GLI2: variants seen among roughly 807,000 people sequenced by gnomAD.
GLI2 encodes the protein transcription activator GLI2.
Under a neutral mutation model 78.9 loss-of-function variants are expected in GLI2, and 22 were observed. The ratio of observed to expected loss-of-function variants is 0.28; its 90% CI spans 0.20 to 0.40. The LOEUF (loss-of-function observed/expected upper bound fraction) is 0.40, where lower values mean the gene tolerates loss of function less well. Among genes scored for constraint, GLI2 ranks in the 10% least tolerant of loss-of-function variants. The probability of loss-of-function intolerance (pLI) is 1.00; values close to 1 mark genes in which losing one functional copy is unlikely to be tolerated. For missense variants in GLI2, 2,097 were observed against 2,213.2 expected (o/e 0.95, Z 1.05); for synonymous variants, 974 against 963.7 (o/e 1.01, Z -0.20).
intron 2 of GLI2, among the ~76,000 whole-genome samples, chr2:120,887,330 T>A (rs1677460743): frequency 6.6e-6 from 1 of 152,252 alleles, no homozygotes; most frequent in South Asian, 2.1e-4. Flanking sequence ...GAACCTGAAT[T>A]GATACTCACC....
At chr2:120,969,363 T>C (rs1164024835) in intron 6 of GLI2, among the ~76,000 whole-genome samples, 1 of 152,092 alleles carries the variant, frequency 6.6e-6, no homozygotes, top group East Asian at 1.9e-4. Context: ...GCCACCCTTC[T>C]CCCTTCTGTG....
chr2:120,841,507 C>T (rs1686868119), intron 2 of GLI2, among the ~76,000 whole-genome samples: 1 of 152,202 alleles, frequency 6.6e-6, no homozygotes. Context: ...AATGGCAGTT[C>T]CCCCCAGACA....
At chr2:120,809,101 A>G (rs908413282) in intron 2 of GLI2, among the ~76,000 whole-genome samples, 2 of 152,196 alleles carry the variant, frequency 1.3e-5, no homozygotes, top group African/African-American at 4.8e-5. Context: ...ATAGTCCCAA[A>G]ATGGAAATGA....
At chr2:120,860,331 T>C (rs1048288717) in intron 2 of GLI2, among the ~76,000 whole-genome samples, 4 of 152,136 alleles carry the variant, frequency 2.6e-5, no homozygotes, top group Admixed American at 2.6e-4. Context: ...TCTCACCTCA[T>C]CCTATCACCT....
At chr2:120,748,070 C>T (rs1410148849) in intron 1 of GLI2, among the ~76,000 whole-genome samples, 1 of 152,166 alleles carries the variant, frequency 6.6e-6, no homozygotes, top group East Asian at 1.9e-4. Context: ...CTCAAATGTG[C>T]GTATTCCTCC....
intron 2 of GLI2, among the ~76,000 whole-genome samples, chr2:120,822,749 G>A (rs1342593339): frequency 6.6e-6 from 1 of 152,022 alleles, no homozygotes; most frequent in Admixed American, 6.5e-5. Context: ...TTCAATTAAG[G>A]ACGTTAAAAT....
At chr2:120,894,504 C>G (rs906345620) in intron 2 of GLI2, among the ~76,000 whole-genome samples, 29 of 152,078 alleles carry the variant, frequency 1.9e-4, no homozygotes, top group African/African-American at 6.0e-4. Context: ...CCTTCTCACT[C>G]TCTTTCTAGA....
At chr2:120,923,728 GAC>G (rs1237120824) in intron 2 of GLI2, among the ~76,000 whole-genome samples, 10 of 151,192 alleles carry the variant, frequency 6.6e-5, no homozygotes, top group African/African-American at 2.5e-4. Flanking sequence ...AGACACACAC[GAC>G]ACACTACACA....
intron 2 of GLI2, among the ~76,000 whole-genome samples, chr2:120,893,496 G>A (rs1677781563): frequency 6.6e-6 from 1 of 152,146 alleles, no homozygotes; most frequent in Non-Finnish European, 1.5e-5. Context: ...ATTTCTCATG[G>A]CTCAGTTCCC....
intron 7 of GLI2, among the ~76,000 whole-genome samples, 159 bp from the exon 8 acceptor site, chr2:120,971,782 C>T (rs1400770116): frequency 2.0e-5 from 3 of 152,132 alleles, no homozygotes; most frequent in Admixed American, 6.5e-5. Flanking sequence ...GACATGTGCC[C>T]CTGGCAGGAC....
At chr2:120,786,148 G>A (rs2104676912) in intron 1 of GLI2, among the ~76,000 whole-genome samples, 1 of 152,314 alleles carries the variant, frequency 6.6e-6, no homozygotes, top group South Asian at 2.1e-4. Flanking sequence ...CCACCACCCT[G>A]GACGGGTCTC....
At chr2:120,823,323 G>A (rs72835557) in intron 2 of GLI2, among the ~76,000 whole-genome samples, 1 of 152,158 alleles carries the variant, frequency 6.6e-6, no homozygotes, top group African/African-American at 2.4e-5. Flanking sequence ...GCCATACAGT[G>A]GGGGGAAGGG....
intron 1 of GLI2, among the ~76,000 whole-genome samples, chr2:120,783,618 C>A (rs755342876): frequency 6.6e-6 from 1 of 151,974 alleles, no homozygotes; most frequent in South Asian, 2.1e-4. Context: ...CAAGAAACCA[C>A]GAAGTGCAGG....
intron 2 of GLI2, chr2:120,866,554 T>C (rs1688142064): frequency 6.6e-6 from 1 of 151,964 alleles, no homozygotes; most frequent in Non-Finnish European, 1.5e-5. Context: ...ATGACGACAA[T>C]AGCAATGACC....
At chr2:120,928,957 T>C (rs4848649) in intron 3 of GLI2, among the ~76,000 whole-genome samples, 146,051 of 152,202 alleles carry the variant, frequency 0.96, 70,111 homozygotes, top group East Asian at 1. Flanking sequence ...CTTTTTTTCC[T>C]GGTTCAAGAC....
chr2:120,853,239 C>T (rs1013705209), intron 2 of GLI2, among the ~76,000 whole-genome samples: 2 of 152,092 alleles, frequency 1.3e-5, no homozygotes, highest in Non-Finnish European at 2.9e-5. Context: ...TGCAGGCAGA[C>T]CAGGACGAGG....
At position 120,974,047 on chromosome 2, in the gene GLI2, C is replaced by T. The variant is rs751320548; in HGVS notation, c.1183-928C>T. On this transcript the variant is annotated intron_variant, in intron 8 of 13. Coordinates refer to ENST00000361492, the MANE Select transcript of GLI2 (RefSeq NM_001374353.1). ...TGAGCCTGACTATACATGTTTTCCCCAGAGACTATTCTGAAAGACAACATT... is the reference window on the plus strand; with the variant it reads ...TGAGCCTGACTATACATGTTTTCCCTAGAGACTATTCTGAAAGACAACATT... 1.7e-4 allele frequency among the ~76,000 whole-genome samples: 26 copies of T among 152,138 alleles called. 1 individual carries two copies. The highest frequency in any genetic ancestry group is 1.3e-4 in the Admixed American group (2 of 15,278).
intron 2 of GLI2, among the ~76,000 whole-genome samples, chr2:120,921,408 C>T (rs1679373823): frequency 1.3e-5 from 2 of 152,136 alleles, no homozygotes; most frequent in African/African-American, 4.8e-5. Context: ...CCAGCATCTG[C>T]ACCCAGAGCC....
chr2:120,990,264 G>C lies in GLI2; in HGVS notation c.4299G>C (p.Gln1433His). The change falls in exon 14 of 14, where the codon CAG (glutamine) becomes CAC (histidine). Residue 1433 changes from glutamine (Q) to histidine (H), a missense_variant. Physicochemically the swap from Gln to His is conservative, Grantham distance 24. This residue lies in a region of GLI2 where 1,290 missense variants were observed against 1,261.7 expected (regional missense o/e 1.02). Coordinates refer to ENST00000361492, the MANE Select transcript of GLI2 (RefSeq NM_001374353.1). ...PDHSMLYYYGQIHMYEQDGGL... is the reference protein window; with the variant it reads ...PDHSMLYYYGHIHMYEQDGGL... ...ACAGCATGCTCTACTACTACGGCCA[G>C]ATCCACATGTACGAACAGGATGGAG... The C allele has an allele frequency of 6.2e-7, 1 of 1,613,772 alleles. No individual in the cohort carries two copies.
Sources: allele counts gnomAD v4.1 joint callset (sites outside exome capture counted in the v4.1 genomes callset), GRCh38; gene constraint gnomAD v4.1.1; regional missense constraint gnomAD v4.1.1; transcripts MANE v1.5; gene names NCBI Gene and HGNC (gene_info 2026-07-23, HGNC 2026-07-21).